MCTP1: variants seen among roughly 807,000 people sequenced by gnomAD.
MCTP1 encodes multiple C2 and transmembrane domain containing 1.
A neutral mutation model predicts 120.6 loss-of-function variants in MCTP1; 69 were observed. That is an observed-to-expected ratio of 0.57 (90% CI 0.47 to 0.70). The LOEUF is 0.70. Among genes scored for constraint, MCTP1 ranks in the 30% least tolerant of loss-of-function variants. MCTP1 has a pLI of 0.00. For missense variants in MCTP1, 1,203 were observed against 1,248.8 expected (o/e 0.96, Z 0.55); for synonymous variants, 529 against 493.1 (o/e 1.07, Z -0.96).
intron 17 of MCTP1, among the ~76,000 whole-genome samples, chr5:94,802,690 A>C (rs1781459502): frequency 6.6e-6 from 1 of 152,208 alleles, no homozygotes; most frequent in South Asian, 2.1e-4. Flanking sequence ...ACATTTTCAG[A>C]GGTATTGGGG....
intron 19 of MCTP1, among the ~76,000 whole-genome samples, chr5:94,745,365 TAC>T (rs1285793419): frequency 1.3e-5 from 2 of 152,210 alleles, no homozygotes; most frequent in Non-Finnish European, 2.9e-5. Flanking sequence ...CCTGTTCTCT[TAC>T]AGAGTGTCCA....
intron 1 of MCTP1, among the ~76,000 whole-genome samples, chr5:95,207,535 G>A (rs1486661772): frequency 6.6e-6 from 1 of 152,040 alleles, no homozygotes. Flanking sequence ...AAATGAAGTG[G>A]GTCAGAGGAG....
At chr5:95,141,255 G>C (rs991605466) in intron 1 of MCTP1, among the ~76,000 whole-genome samples, 1 of 152,164 alleles carries the variant, frequency 6.6e-6, no homozygotes, top group Non-Finnish European at 1.5e-5. Context: ...GTTAACCTTT[G>C]CTTTAGTTAC....
intron 1 of MCTP1, among the ~76,000 whole-genome samples, chr5:95,248,016 C>T (rs532040462): frequency 6.6e-6 from 1 of 152,068 alleles, no homozygotes; most frequent in African/African-American, 2.4e-5. Flanking sequence ...TTTGATGGAA[C>T]ATATCTCAAA....
At chr5:94,819,402 A>G (rs1354331873) in intron 17 of MCTP1, among the ~76,000 whole-genome samples, 1 of 152,138 alleles carries the variant, frequency 6.6e-6, no homozygotes, top group Non-Finnish European at 1.5e-5. Flanking sequence ...AAGTGCTGGG[A>G]TTACAGGCAT....
chr5:95,239,132 T>A (rs1755885040), intron 1 of MCTP1, among the ~76,000 whole-genome samples: 1 of 152,116 alleles, frequency 6.6e-6, no homozygotes, highest in African/African-American at 2.4e-5. Flanking sequence ...GAAGAAACAT[T>A]AAAAAGGCCA....
chr5:95,112,928 A>G (rs1757562571), intron 1 of MCTP1, among the ~76,000 whole-genome samples: 1 of 152,214 alleles, frequency 6.6e-6, no homozygotes, highest in Non-Finnish European at 1.5e-5. Flanking sequence ...ATATAGTTAT[A>G]TACTTTTAAA....
At chr5:95,147,263 T>A (rs1486221301) in intron 1 of MCTP1, among the ~76,000 whole-genome samples, 3 of 152,022 alleles carry the variant, frequency 2.0e-5, no homozygotes, top group African/African-American at 7.3e-5. Context: ...TTTTTTTGTA[T>A]TTTTAGTAGA....
chr5:95,283,890 GC>G lies in MCTP1; in HGVS notation c.685del (p.Ala229ProfsTer14). The G allele has an allele frequency of 7.2e-7, 1 of 1,383,684 alleles. No homozygotes were observed. Among genetic ancestry groups the G allele is most frequent in the Non-Finnish European group, 9.3e-7 (1 of 1,078,238 alleles). 85.7% of individuals were successfully genotyped at this position (1,383,684 alleles called of 1,614,324 possible). A position where few individuals can be genotyped will look rare whatever the true frequency, so the allele number is the denominator to read the frequency against. ...EPARSPAESRAPETGEEHGSS... is the reference protein window; with the variant it reads ...EPARSPAESRXPETGEEHGSS... ...GCCGTGCTCCTCGCCCGTCTCCGGG[GC>G]CCGAGACTCCGCGGGACTCCGCGCC... On this transcript the variant is annotated frameshift_variant, in exon 1 of 23. Transcript: ENST00000515393. LOFTEE classifies it high-confidence loss of function.
intron 17 of MCTP1, among the ~76,000 whole-genome samples, chr5:94,839,202 G>A (rs1265522949): frequency 1.3e-5 from 2 of 152,144 alleles, no homozygotes; most frequent in Admixed American, 6.6e-5. Context: ...TTCACCTTCA[G>A]AAACATGTTT....
At chr5:95,277,993 T>C (rs954138002) in intron 1 of MCTP1, among the ~76,000 whole-genome samples, 8 of 151,992 alleles carry the variant, frequency 5.3e-5, no homozygotes, top group Non-Finnish European at 8.8e-5. Context: ...CATATTGTAG[T>C]ATGGAATATT....
intron 1 of MCTP1, among the ~76,000 whole-genome samples, chr5:95,079,197 T>C (rs868831935): frequency 1.1e-4 from 16 of 152,298 alleles, no homozygotes; most frequent in South Asian, 1.0e-3. Flanking sequence ...TCAGCACTTA[T>C]AACAACAGAC....
At chr5:95,145,925 C>T (rs1760349263) in intron 1 of MCTP1, among the ~76,000 whole-genome samples, 1 of 152,110 alleles carries the variant, frequency 6.6e-6, no homozygotes, top group Admixed American at 6.5e-5. Context: ...GGAGGAGCCT[C>T]TCCTGTTTCA....
chr5:94,911,004 T>C (rs1808418000), intron 9 of MCTP1, among the ~76,000 whole-genome samples: 1 of 152,214 alleles, frequency 6.6e-6, no homozygotes, highest in South Asian at 2.1e-4. Flanking sequence ...CTATATTATT[T>C]CCTTCAGGTC....
At chr5:94,826,579 T>C (rs981815798) in intron 17 of MCTP1, 6 of 750,662 alleles carry the variant, frequency 8.0e-6, no homozygotes, top group African/African-American at 6.9e-5. Flanking sequence ...AAAGCATCTT[T>C]TGGGCAAACT....
At chr5:94,769,921 C>T (rs1773680383) in intron 19 of MCTP1, among the ~76,000 whole-genome samples, 1 of 152,154 alleles carries the variant, frequency 6.6e-6, no homozygotes, top group South Asian at 2.1e-4. Flanking sequence ...TCTGACATTT[C>T]TTTAATATTT....
rs547150756 is a variant in MCTP1 at position 95,097,384 on chromosome 5, C to T, written c.721-79900G>A. Among the ~76,000 whole-genome samples the T allele has an allele frequency of 3.3e-5, 5 of 152,234 alleles. No homozygotes were observed. The South Asian group carries it at 1.0e-3, about 32-fold the overall frequency. ...AGAAAGAAGCGGATATGGCGAGAAC[C>T]AGGGGAAGATTGTAAGATTGATTCA... On this transcript the variant is annotated intron_variant, in intron 1 of 22. Transcript: ENST00000515393.
At chr5:95,059,457 G>A (rs1018838285) in intron 1 of MCTP1, among the ~76,000 whole-genome samples, 1 of 151,838 alleles carries the variant, frequency 6.6e-6, no homozygotes, top group Non-Finnish European at 1.5e-5. Context: ...ACTAACTATT[G>A]GATATTATGC....
intron 1 of MCTP1, 71 bp downstream of exon 1, chr5:95,283,785 G>A: frequency 8.3e-7 from 1 of 1,202,686 alleles, no homozygotes; most frequent in East Asian, 3.2e-5. Context: ...CCCGCTCCCC[G>A]GGTGGTGAAC....
Sources: gnomAD v4.1 joint callset for allele counts (sites outside exome capture counted in the v4.1 genomes callset) on GRCh38, gnomAD v4.1.1 for gene constraint, MANE v1.5 for transcripts, NCBI Gene and HGNC (gene_info 2026-07-23, HGNC 2026-07-21) for gene names.